Variants in SNCAIP observed in about 807,000 individuals in gnomAD.
The protein encoded by SNCAIP is synphilin-1.
In SNCAIP, 43 loss-of-function variants were observed where a neutral mutation model predicts 86.7. The observed-to-expected ratio is 0.50, with a 90% CI of 0.39 to 0.64. SNCAIP has a LOEUF of 0.64. Ranked by LOEUF, SNCAIP falls within the 30% of genes least tolerant of loss-of-function variation. The pLI, the probability that SNCAIP is intolerant of heterozygous loss-of-function variation, is 0.00. For synonymous variants in SNCAIP, 417 were observed against 427.2 expected, an observed-to-expected ratio of 0.98 and a Z score of 0.29; for missense variants, 981 against 1,103.1, an observed-to-expected ratio of 0.89 and a Z score of 1.57.
At chr5:122,323,933 A>G (rs987607003) in intron 1 of SNCAIP, among the ~76,000 whole-genome samples, 2 of 152,212 alleles carry the variant, frequency 1.3e-5, no homozygotes, top group Non-Finnish European at 2.9e-5. Flanking sequence ...ACCGTTTTTA[A>G]AAATGCAAAG....
intron 10 of SNCAIP, among the ~76,000 whole-genome samples, chr5:122,460,360 G>T (rs1785872109): frequency 6.6e-6 from 1 of 152,164 alleles, no homozygotes; most frequent in Admixed American, 6.5e-5. Context: ...TCTTGCCCAA[G>T]ATTACATAGT....
At position 122,463,598 on chromosome 5, in the gene SNCAIP, A is replaced by G. The variant is rs567026967; in HGVS notation, c.*102A>G. 606 of 1,307,826 alleles carry G rather than the reference A, an allele frequency of 4.6e-4. No homozygotes were observed. The highest frequency in any genetic ancestry group is 2.3e-3 in the Middle Eastern group (11 of 4,728). 81.0% of individuals were successfully genotyped at this position (1,307,826 alleles called of 1,614,324 possible). On this transcript the variant is annotated 3_prime_UTR_variant, in exon 11 of 11. Transcript: ENST00000261368. ...TAAATCACTTTTTAAATTTTCTCTC[A>G]CTGATGCCCTTTGGAAATTATTGGA...
At chr5:122,363,089 C>T (rs188587333) in intron 1 of SNCAIP, among the ~76,000 whole-genome samples, 7 of 151,566 alleles carry the variant, frequency 4.6e-5, no homozygotes, top group Admixed American at 4.6e-4. Flanking sequence ...TTCCACCTCC[C>T]AGGATCAAGC....
intron 1 of SNCAIP, among the ~76,000 whole-genome samples, chr5:122,379,681 A>G (rs2152811904): frequency 6.6e-6 from 1 of 152,120 alleles, no homozygotes; most frequent in Non-Finnish European, 1.5e-5. Context: ...TGAGTTTGTC[A>G]TAGATAGCTC....
At chr5:122,357,407 T>C (rs1761240882) in intron 1 of SNCAIP, among the ~76,000 whole-genome samples, 3 of 152,100 alleles carry the variant, frequency 2.0e-5, no homozygotes, top group African/African-American at 7.2e-5. Context: ...AGCTAATTTT[T>C]GTATTTTTAG....
chr5:122,336,415 C>T (rs940321084), intron 1 of SNCAIP, among the ~76,000 whole-genome samples: 1 of 152,130 alleles, frequency 6.6e-6, no homozygotes, highest in Non-Finnish European at 1.5e-5. Context: ...CTACATCTGC[C>T]CATATTAAAG....
chr5:122,437,253 T>C (rs1327582433), intron 6 of SNCAIP: 1 of 152,200 alleles, frequency 6.6e-6, no homozygotes, highest in Admixed American at 6.5e-5. Flanking sequence ...TTGTCCTTCT[T>C]AGGAGGTATT....
intron 3 of SNCAIP, among the ~76,000 whole-genome samples, chr5:122,414,065 A>G (rs888852616): frequency 1.3e-5 from 2 of 152,032 alleles, no homozygotes; most frequent in African/African-American, 4.8e-5. Flanking sequence ...GCAAGCCACC[A>G]TGCCTGGCTA....
chr5:122,366,793 G>A lies in SNCAIP; in HGVS notation c.-46-24296G>A, dbSNP rs555043584. Among the ~76,000 whole-genome samples the A allele has an allele frequency of 9.2e-5, 14 of 152,136 alleles. No individual in the cohort carries two copies. In the South Asian group the frequency reaches 2.9e-3, roughly 32 times the overall value. On this transcript the variant is annotated intron_variant, in intron 1 of 10. Coordinates refer to ENST00000261368, the MANE Select transcript of SNCAIP (RefSeq NM_005460.4). ...GCGGCCATCTTCCCTGTAGGCAGTG[G>A]GAAAATTCTGAAAGGTTTTCAACAG...
intron 2 of SNCAIP, chr5:122,401,268 A>C (rs1771758941): frequency 1.2e-6 from 1 of 837,848 alleles, no homozygotes; most frequent in Non-Finnish European, 1.8e-6. Context: ...TCATTTGCTC[A>C]TTCCCAAATT....
At chr5:122,376,391 T>C (rs1765329591) in intron 1 of SNCAIP, among the ~76,000 whole-genome samples, 1 of 152,132 alleles carries the variant, frequency 6.6e-6, no homozygotes, top group African/African-American at 2.4e-5. Flanking sequence ...ATTTGGAAGT[T>C]AGATTTGGAT....
chr5:122,457,601 TTCTCTCTCTCTCACTC>T (rs1459919285), intron 10 of SNCAIP, among the ~76,000 whole-genome samples: 2 of 151,374 alleles, frequency 1.3e-5, no homozygotes, highest in Non-Finnish European at 1.5e-5. Flanking sequence ...CGCCAACTCT[TTCTCTCTCTCTCACTC>T]TCTCTCTCTT....
chr5:122,397,117 G>A (rs574998543), intron 2 of SNCAIP, among the ~76,000 whole-genome samples: 1 of 152,106 alleles, frequency 6.6e-6, no homozygotes, highest in Non-Finnish European at 1.5e-5. Flanking sequence ...TACCAGTGAA[G>A]AGACTGATAT....
At chr5:122,363,994 A>G (rs947403139) in intron 1 of SNCAIP, among the ~76,000 whole-genome samples, 1 of 151,790 alleles carries the variant, frequency 6.6e-6, no homozygotes, top group Non-Finnish European at 1.5e-5. Context: ...GGCTAATTAA[A>G]AAAAGAATAT....
chr5:122,318,460 T>A (rs1054308396), intron 1 of SNCAIP, among the ~76,000 whole-genome samples: 1 of 152,212 alleles, frequency 6.6e-6, no homozygotes, highest in East Asian at 1.9e-4. Context: ...TACTTCCTTA[T>A]CTTTGCACAT....
At chr5:122,419,704 T>C (rs1216942825) in intron 3 of SNCAIP, among the ~76,000 whole-genome samples, 1 of 152,188 alleles carries the variant, frequency 6.6e-6, no homozygotes. Flanking sequence ...ATGTAAAGAA[T>C]TTATTCATAA....
intron 1 of SNCAIP, among the ~76,000 whole-genome samples, chr5:122,339,078 A>G (rs1386281208): frequency 6.6e-6 from 1 of 152,208 alleles, no homozygotes; most frequent in East Asian, 1.9e-4. Flanking sequence ...GGATACTGAC[A>G]AATTGAATGG....
At position 122,330,117 on chromosome 5, in the gene SNCAIP, C is replaced by CTTTTT. The variant is rs1212303157; in HGVS notation, c.-47+17851_-47+17855dup. Among the ~76,000 whole-genome samples, 829 of 96,560 alleles carry CTTTTT rather than the reference C, an allele frequency of 8.6e-3. 18 individuals are homozygous for CTTTTT. The highest frequency in any genetic ancestry group is 0.011 in the African/African-American group (263 of 23,192). The allele number at this position is 96,560 out of a possible 152,430, so 63.3% of individuals were successfully genotyped here. On this transcript the variant is annotated intron_variant, in intron 1 of 10. Coordinates refer to ENST00000261368, the MANE Select transcript of SNCAIP (RefSeq NM_005460.4). ...CTTACCTCCGTGTACAACTTCATTTCTTTTTTTTTTTTTTTTTTTTTTGAG... is the reference window on the plus strand; with the variant it reads ...CTTACCTCCGTGTACAACTTCATTTCTTTTTTTTTTTTTTTTTTTTTTTTTTTGAG...
At chr5:122,414,236 CTTT>C (rs58324419) in intron 3 of SNCAIP, among the ~76,000 whole-genome samples, 1 of 143,570 alleles carries the variant, frequency 7.0e-6, no homozygotes. Context: ...ATTATTTTTC[CTTT>C]TTTTTTTTTT....
Sources: gnomAD v4.1 joint callset for allele counts (sites outside exome capture counted in the v4.1 genomes callset) on GRCh38, gnomAD v4.1.1 for gene constraint, MANE v1.5 for transcripts, NCBI Gene and HGNC (gene_info 2026-07-23, HGNC 2026-07-21) for gene names.